Variants in SOX6 observed in about 807,000 individuals in gnomAD.
SOX6 encodes SRY-box transcription factor 6, also known as transcription factor SOX-6.
Under a neutral mutation model 97.8 loss-of-function variants are expected in SOX6, and 11 were observed. That is an observed-to-expected ratio of 0.11 (90% CI 0.07 to 0.19). SOX6 has a LOEUF of 0.19. SOX6 is among the 10% of genes least tolerant of loss of function. The probability of loss-of-function intolerance (pLI) is 1.00; values close to 1 mark genes in which losing one functional copy is unlikely to be tolerated. For synonymous variants in SOX6, 360 were observed against 371.4 expected (o/e 0.97, Z 0.35); for missense variants, 810 against 1,039.5 (o/e 0.78, Z 3.04).
At chr11:16,013,634 C>G (rs1036566668) in intron 13 of SOX6, among the ~76,000 whole-genome samples, 1 of 151,432 alleles carries the variant, frequency 6.6e-6, no homozygotes, top group African/African-American at 2.4e-5. Context: ...CTTCTCTTCC[C>G]CTCCCTCCCT....
At chr11:16,369,759 T>A (rs1857453541) in intron 1 of SOX6, among the ~76,000 whole-genome samples, 2 of 152,168 alleles carry the variant, frequency 1.3e-5, no homozygotes, top group South Asian at 4.1e-4. Context: ...TGATTCCATA[T>A]CACTCTTCAA....
chr11:16,619,845 C>T (rs574894663), intron 3 of SOX6, among the ~76,000 whole-genome samples: 1 of 152,006 alleles, frequency 6.6e-6, no homozygotes, highest in Non-Finnish European at 1.5e-5. Flanking sequence ...CACCCATGGG[C>T]ATTTATTTAT....
chr11:16,621,691 T>C (rs534031986), intron 3 of SOX6, among the ~76,000 whole-genome samples: 1 of 152,252 alleles, frequency 6.6e-6, no homozygotes, highest in South Asian at 2.1e-4. Context: ...GCAGAATTTT[T>C]TTCAGGTTTC....
intron 2 of SOX6, among the ~76,000 whole-genome samples, chr11:16,325,877 T>C (rs1856072518): frequency 6.6e-6 from 1 of 152,108 alleles, no homozygotes; most frequent in Admixed American, 6.6e-5. Context: ...AAATAGTTAC[T>C]TCCTTTTTGC....
At chr11:16,002,062 A>C (rs1459877622) in intron 13 of SOX6, among the ~76,000 whole-genome samples, 1 of 152,146 alleles carries the variant, frequency 6.6e-6, no homozygotes, top group Non-Finnish European at 1.5e-5. Flanking sequence ...AGTGTCACAA[A>C]CTATGTTTAG....
chr11:16,409,829 TA>T (rs61513166), intron 1 of SOX6, among the ~76,000 whole-genome samples: 8 of 149,558 alleles, frequency 5.3e-5, no homozygotes, highest in African/African-American at 1.5e-4. Context: ...TTCCTCGGTT[TA>T]AAAAAAAAAG....
intron 2 of SOX6, among the ~76,000 whole-genome samples, chr11:16,719,486 T>A (rs1286864156): frequency 2.0e-5 from 3 of 152,212 alleles, no homozygotes; most frequent in Non-Finnish European, 2.9e-5. Context: ...TGCTTCCAAG[T>A]CTTTAACAAA....
intron 4 of SOX6, among the ~76,000 whole-genome samples, chr11:16,212,337 A>C (rs1033390016): frequency 2.0e-5 from 3 of 152,140 alleles, no homozygotes; most frequent in Non-Finnish European, 4.4e-5. Context: ...TTCAATGAAT[A>C]TTTTTATACT....
At chr11:16,119,504 C>A (rs1218859907) in intron 6 of SOX6, among the ~76,000 whole-genome samples, 1 of 152,186 alleles carries the variant, frequency 6.6e-6, no homozygotes, top group South Asian at 2.1e-4. Context: ...TTGCTGTTCA[C>A]TAATTCACAA....
chr11:16,054,455 A>G (rs1384355650), intron 10 of SOX6, among the ~76,000 whole-genome samples: 3 of 152,202 alleles, frequency 2.0e-5, no homozygotes, highest in Admixed American at 1.3e-4. Flanking sequence ...ATGTTCTCCT[A>G]TTTCTTTGGA....
chr11:16,188,728 A>G (rs1468791180), intron 4 of SOX6, among the ~76,000 whole-genome samples: 1 of 152,166 alleles, frequency 6.6e-6, no homozygotes, highest in Non-Finnish European at 1.5e-5. Context: ...GGCAAGTAGA[A>G]GCAGACACAG....
chr11:16,115,100 G>A (rs1298816339), intron 6 of SOX6, among the ~76,000 whole-genome samples: 1 of 152,094 alleles, frequency 6.6e-6, no homozygotes, highest in East Asian at 1.9e-4. Flanking sequence ...CTAAATATTA[G>A]CCCAGAGGCT....
At chr11:16,155,826 C>T (rs1850582586) in intron 6 of SOX6, among the ~76,000 whole-genome samples, 2 of 151,988 alleles carry the variant, frequency 1.3e-5, no homozygotes, top group Non-Finnish European at 1.5e-5. Flanking sequence ...AAAACTCTAC[C>T]ATAGGACATC....
chr11:16,161,617 C>T (rs16932655), intron 6 of SOX6, among the ~76,000 whole-genome samples: 9,194 of 152,088 alleles, frequency 0.06, 675 homozygotes, highest in East Asian at 0.37. Context: ...CCTTTACTAG[C>T]GCCACAAAAC....
In SOX6 at chr11:16,721,600, T is replaced by C. The variant is rs1354420892; in HGVS notation, n.354-6695A>G. On this transcript the variant is annotated intron_variant and non_coding_transcript_variant, in intron 2 of 5. Transcript: ENST00000524520. ...CCTCCCTCTCTCTCTCTCTCTCTCTTCCCTCCCTCCCTCCCTCCCTCTCTC... is the reference window on the plus strand; with the variant it reads ...CCTCCCTCTCTCTCTCTCTCTCTCTCCCCTCCCTCCCTCCCTCCCTCTCTC... Among the ~76,000 whole-genome samples the C allele has an allele frequency of 1.7e-3, 19 of 11,492 alleles. 1 individual carries two copies. The East Asian group carries it at 0.019, about 11-fold the overall frequency. 7.5% of individuals were successfully genotyped at this position (11,492 alleles called of 152,430 possible). A position where few individuals can be genotyped will look rare whatever the true frequency, so the allele number is the denominator to read the frequency against.
At chr11:16,464,069 T>TA (rs531686506) in intron 1 of SOX6, among the ~76,000 whole-genome samples, 21 of 152,288 alleles carry the variant, frequency 1.4e-4, no homozygotes, top group African/African-American at 4.3e-4. Context: ...GAGATCTTTC[T>TA]AAAAAATTTA....
chr11:16,114,516 G>A (rs1042109385), intron 6 of SOX6, among the ~76,000 whole-genome samples: 7 of 152,088 alleles, frequency 4.6e-5, no homozygotes, highest in African/African-American at 1.7e-4. Flanking sequence ...TTCTTATATG[G>A]TTTGCATATT....
At chr11:16,175,717 T>C (rs904314931) in intron 6 of SOX6, among the ~76,000 whole-genome samples, 12 of 152,048 alleles carry the variant, frequency 7.9e-5, no homozygotes, top group Admixed American at 2.6e-4. Flanking sequence ...ATTTATTCTG[T>C]TTAGAAAGTT....
At chr11:16,316,111 T>TC (rs1855753036) in intron 3 of SOX6, 1 of 151,512 alleles carries the variant, frequency 6.6e-6, no homozygotes, top group Admixed American at 6.6e-5. Context: ...CTCATAGGTT[T>TC]TTTTTTTTAA....
Sources: gnomAD v4.1 joint callset for allele counts (sites outside exome capture counted in the v4.1 genomes callset) on GRCh38, gnomAD v4.1.1 for gene constraint, MANE v1.5 for transcripts, NCBI Gene and HGNC (gene_info 2026-07-23, HGNC 2026-07-21) for gene names.